Variants in RBMS3 observed in about 807,000 individuals in gnomAD.
RBMS3 encodes the protein RNA binding motif single stranded interacting protein 3.
Under a neutral mutation model 66.8 loss-of-function variants are expected in RBMS3, and 27 were observed. That is an observed-to-expected ratio of 0.40 (90% CI 0.30 to 0.56). The LOEUF is 0.56. Ranked by LOEUF, RBMS3 falls within the 20% of genes least tolerant of loss-of-function variation. The pLI, the probability that RBMS3 is intolerant of heterozygous loss-of-function variation, is 0.40. For synonymous variants in RBMS3, 188 were observed against 183.0 expected, an observed-to-expected ratio of 1.03 and a Z score of -0.22; for missense variants, 513 against 549.5, an observed-to-expected ratio of 0.93 and a Z score of 0.66.
At chr3:29,629,534 G>C (rs1241583904) in intron 4 of RBMS3, among the ~76,000 whole-genome samples, 1 of 152,010 alleles carries the variant, frequency 6.6e-6, no homozygotes, top group Non-Finnish European at 1.5e-5. Flanking sequence ...AAAATGTTAT[G>C]TCTTAACAAT....
At chr3:29,698,876 C>T (rs1361799985) in intron 4 of RBMS3, among the ~76,000 whole-genome samples, 5 of 152,058 alleles carry the variant, frequency 3.3e-5, no homozygotes, top group African/African-American at 1.2e-4. Context: ...ATATTTATCA[C>T]CATTTATTAG....
At chr3:29,454,289 C>T (rs1193488296) in intron 2 of RBMS3, among the ~76,000 whole-genome samples, 1 of 152,174 alleles carries the variant, frequency 6.6e-6, no homozygotes, top group African/African-American at 2.4e-5. Context: ...AAGCACTCAT[C>T]CCTCTTCTTT....
chr3:29,598,825 TA>T (rs762510351), intron 4 of RBMS3, among the ~76,000 whole-genome samples: 18 of 152,080 alleles, frequency 1.2e-4, no homozygotes, highest in Non-Finnish European at 2.2e-4. Flanking sequence ...CTGTATTTTT[TA>T]TAAACTTAGA....
chr3:29,996,210 A>G (rs1699228176), intron 14 of RBMS3, among the ~76,000 whole-genome samples: 1 of 151,062 alleles, frequency 6.6e-6, no homozygotes, highest in Admixed American at 6.6e-5. Context: ...TTCAACAAGA[A>G]GAGCTAACTA....
At chr3:29,471,656 T>C (rs1325502151) in intron 2 of RBMS3, among the ~76,000 whole-genome samples, 1 of 151,726 alleles carries the variant, frequency 6.6e-6, no homozygotes, top group African/African-American at 2.4e-5. Flanking sequence ...ACAGCTTATA[T>C]ACTATGCATC....
In RBMS3 at chr3:29,876,741, C is replaced by T. The variant is rs1466812123; in HGVS notation, c.745-7421C>T. ...ACAGAAAGTAATGGAGAATTTCCAG[C>T]CAAAAACCACCCCTGCGAAGGCCCA... On this transcript the variant is annotated intron_variant, in intron 7 of 14. Transcript: ENST00000383767. Among the ~76,000 whole-genome samples the T allele has an allele frequency of 3.3e-5, 5 of 151,986 alleles. No homozygotes were observed. The East Asian group carries it at 7.8e-4, about 24-fold the overall frequency.
intron 1 of RBMS3, among the ~76,000 whole-genome samples, chr3:29,318,611 G>T (rs755735137): frequency 6.6e-6 from 1 of 151,900 alleles, no homozygotes; most frequent in Non-Finnish European, 1.5e-5. Context: ...TGATTGGACA[G>T]AGTTTATGAT....
chr3:29,324,456 C>T (rs1575544933), intron 1 of RBMS3, among the ~76,000 whole-genome samples: 1 of 152,212 alleles, frequency 6.6e-6, no homozygotes, highest in East Asian at 1.9e-4. Flanking sequence ...TTTCAAAACA[C>T]GTGGCCTCCG....
intron 6 of RBMS3, among the ~76,000 whole-genome samples, chr3:29,830,678 T>C (rs1406370181): frequency 6.6e-6 from 1 of 152,162 alleles, no homozygotes; most frequent in Non-Finnish European, 1.5e-5. Context: ...TTTCTGTAAA[T>C]TTAACTTCTA....
chr3:29,892,204 G>A (rs1047312578), intron 8 of RBMS3, among the ~76,000 whole-genome samples: 5 of 151,444 alleles, frequency 3.3e-5, no homozygotes, highest in African/African-American at 4.8e-5. Context: ...TGCATTTCTT[G>A]AAAATACTAA....
At chr3:29,555,203 T>G (rs2046314057) in intron 3 of RBMS3, among the ~76,000 whole-genome samples, 1 of 152,180 alleles carries the variant, frequency 6.6e-6, no homozygotes, top group Non-Finnish European at 1.5e-5. Flanking sequence ...AGAGCAGAAT[T>G]TACTTCAGTC....
At chr3:29,367,379 T>C (rs1305265898) in intron 1 of RBMS3, among the ~76,000 whole-genome samples, 4 of 152,092 alleles carry the variant, frequency 2.6e-5, no homozygotes, top group Non-Finnish European at 4.4e-5. Context: ...ACAATGTGAG[T>C]GTCTACGTGT....
At chr3:29,851,360 C>T (rs1029432595) in intron 6 of RBMS3, among the ~76,000 whole-genome samples, 5 of 152,090 alleles carry the variant, frequency 3.3e-5, no homozygotes, top group South Asian at 2.1e-4. Context: ...AGGTGGGGAT[C>T]GTTTGATCCA....
chr3:29,435,055 G>T, intron 2 of RBMS3, 140 bp downstream of exon 2: 2 of 883,018 alleles, frequency 2.3e-6, no homozygotes, highest in Non-Finnish European at 3.3e-6. Context: ...ACTTAAATTT[G>T]AGATTCAATG....
chr3:29,618,719 TC>T (rs2048759814), intron 4 of RBMS3, among the ~76,000 whole-genome samples: 2 of 152,148 alleles, frequency 1.3e-5, no homozygotes, highest in Admixed American at 1.3e-4. Flanking sequence ...TACTTTGGCT[TC>T]CAGGGGCGTC....
At chr3:29,497,250 C>T (rs1378190368) in intron 3 of RBMS3, among the ~76,000 whole-genome samples, 1 of 152,076 alleles carries the variant, frequency 6.6e-6, no homozygotes, top group Non-Finnish European at 1.5e-5. Context: ...ACATCATGAT[C>T]CGCCCGCCTC....
chr3:29,649,318 A>G (rs982834079), intron 4 of RBMS3, among the ~76,000 whole-genome samples: 3 of 152,166 alleles, frequency 2.0e-5, no homozygotes, highest in Admixed American at 1.3e-4. Flanking sequence ...TCTGGGGCAC[A>G]ATTTCCATTT....
chr3:29,384,430 A>AATAAT (rs1478048325), intron 1 of RBMS3, among the ~76,000 whole-genome samples: 1 of 125,466 alleles, frequency 8.0e-6, no homozygotes, highest in African/African-American at 2.9e-5. Flanking sequence ...TAATAATAAT[A>AATAAT]ATAATAAGAA....
intron 1 of RBMS3, among the ~76,000 whole-genome samples, chr3:29,429,221 C>T (rs2041086665): frequency 6.6e-6 from 1 of 152,152 alleles, no homozygotes; most frequent in African/African-American, 2.4e-5. Context: ...TATTATTTGC[C>T]TCATTGTGCT....
Sources: allele counts gnomAD v4.1 joint callset (sites outside exome capture counted in the v4.1 genomes callset), GRCh38; gene constraint gnomAD v4.1.1; transcripts MANE v1.5; gene names NCBI Gene and HGNC (gene_info 2026-07-23, HGNC 2026-07-21).